Variants in DPF3 observed in about 807,000 individuals in gnomAD.
DPF3 encodes the protein zinc finger protein DPF3.
A neutral mutation model predicts 56.8 loss-of-function variants in DPF3; 18 were observed. The observed-to-expected ratio is 0.32, with a 90% CI of 0.22 to 0.47. The LOEUF (loss-of-function observed/expected upper bound fraction) is 0.47, where lower values mean the gene tolerates loss of function less well. DPF3 is among the 20% of genes least tolerant of loss of function. DPF3 has a pLI of 1.00. For synonymous variants in DPF3, 188 were observed against 180.2 expected, an observed-to-expected ratio of 1.04 and a Z score of -0.35; for missense variants, 403 against 488.8, an observed-to-expected ratio of 0.82 and a Z score of 1.65.
chr14:72,893,764 A>G (rs1348981399), intron 1 of DPF3, among the ~76,000 whole-genome samples: 7 of 152,088 alleles, frequency 4.6e-5, no homozygotes, highest in Admixed American at 4.6e-4. Context: ...CTCCTGCTGT[A>G]GAGCGCTCGA....
chr14:72,611,329 T>A lies in DPF3; in HGVS notation c.*7968A>T, dbSNP rs1414742894. Among the ~76,000 whole-genome samples the A allele has an allele frequency of 6.6e-6, 1 of 151,842 alleles. No homozygotes were observed. ...TGCTGTCAACACAAACAACTGAGAG[T>A]CTAAGCCAGCACGAAGCTAGGATCT... On this transcript the variant is annotated 3_prime_UTR_variant, in exon 11 of 11. Transcript: ENST00000556509.
Position 72,715,404 on chromosome 14 carries a change from C to T in DPF3, c.526-903G>A, listed in dbSNP as rs138375364. On this transcript the variant is annotated intron_variant, in intron 5 of 10. Coordinates refer to ENST00000556509, the MANE Select transcript of DPF3 (RefSeq NM_001280542.3). ...ACACTGGTCACGTGTATAGCACCCT[C>T]GCCTCTCCAGGTCATTCTTTGGTAA... Among the ~76,000 whole-genome samples the T allele has an allele frequency of 5.9e-5, 9 of 152,304 alleles. No homozygotes were observed. In the East Asian group the frequency reaches 7.7e-4, roughly 13 times the overall value.
intron 5 of DPF3, among the ~76,000 whole-genome samples, chr14:72,720,631 A>T (rs1420822712): frequency 6.6e-6 from 1 of 152,144 alleles, no homozygotes; most frequent in Non-Finnish European, 1.5e-5. Context: ...CTTTTCCATC[A>T]TTCAATCATT....
chr14:72,623,578 A>T (rs1884602377), intron 9 of DPF3, among the ~76,000 whole-genome samples: 1 of 152,212 alleles, frequency 6.6e-6, no homozygotes, highest in Non-Finnish European at 1.5e-5. Context: ...TCAAATGAGT[A>T]ATTATGTTGG....
intron 1 of DPF3, among the ~76,000 whole-genome samples, chr14:72,817,329 C>CA (rs1420197406): frequency 5.3e-5 from 8 of 152,192 alleles, no homozygotes; most frequent in African/African-American, 1.9e-4. Flanking sequence ...CCAGCTCTTA[C>CA]ATCAACCTAA....
chr14:72,854,484 G>GGA (rs1416779151), intron 1 of DPF3, among the ~76,000 whole-genome samples: 2 of 152,162 alleles, frequency 1.3e-5, no homozygotes, highest in African/African-American at 4.8e-5. Flanking sequence ...TAGAAACTCA[G>GGA]GAAATGGAGA....
rs1409329353 is a variant in DPF3, at chr14:72,610,019, C to A, written c.*9278G>T. On this transcript the variant is annotated 3_prime_UTR_variant, in exon 11 of 11. Coordinates refer to ENST00000556509, the MANE Select transcript of DPF3 (RefSeq NM_001280542.3). ...AGGCATTTCTCTCACTGGAGACCCA[C>A]TCTCTTGGTCATTCCTTTATGACTG... is the stretch of plus-strand genomic sequence containing the variant. Among the ~76,000 whole-genome samples, 1 of 152,226 alleles carries A rather than the reference C, an allele frequency of 6.6e-6. No individual in the cohort carries two copies. The highest frequency in any genetic ancestry group is 1.5e-5 in the Non-Finnish European group (1 of 68,036).
chr14:72,889,230 C>A (rs1406757232), intron 1 of DPF3, among the ~76,000 whole-genome samples: 1 of 152,202 alleles, frequency 6.6e-6, no homozygotes, highest in African/African-American at 2.4e-5. Context: ...GCAGACCAGG[C>A]TATTTTCAGA....
intron 5 of DPF3, among the ~76,000 whole-genome samples, chr14:72,721,861 TTCTAGA>T (rs1447574918): frequency 1.3e-5 from 2 of 152,076 alleles, no homozygotes; most frequent in African/African-American, 4.8e-5. Context: ...CTCCCACCAC[TTCTAGA>T]ATGTGAGAAG....
intron 8 of DPF3, chr14:72,661,643 C>T: frequency 1.0e-6 from 1 of 985,466 alleles, no homozygotes; most frequent in Non-Finnish European, 1.2e-6. Context: ...CCAGAAAGGG[C>T]CATGTTAGAA....
intron 1 of DPF3, among the ~76,000 whole-genome samples, chr14:72,889,977 T>C (rs1288152043): frequency 6.6e-6 from 1 of 152,208 alleles, no homozygotes; most frequent in Non-Finnish European, 1.5e-5. Context: ...TGTTGGTTCA[T>C]ATGGAATTTA....
intron 3 of DPF3, among the ~76,000 whole-genome samples, chr14:72,748,233 T>G (rs1295684483): frequency 6.6e-6 from 1 of 152,184 alleles, no homozygotes; most frequent in African/African-American, 2.4e-5. Flanking sequence ...AAAAATTTGT[T>G]GGGAACTAGA....
intron 1 of DPF3, chr14:72,836,319 A>G: frequency 1.0e-6 from 1 of 985,598 alleles, no homozygotes; most frequent in Non-Finnish European, 1.2e-6. Flanking sequence ...AACCCTGGAT[A>G]ATAAAGTGAC....
At chr14:72,680,900 T>C (rs1406226318) in intron 7 of DPF3, among the ~76,000 whole-genome samples, 1 of 152,218 alleles carries the variant, frequency 6.6e-6, no homozygotes, top group Non-Finnish European at 1.5e-5. Flanking sequence ...CTTTCAGGCC[T>C]ATTATTCAAG....
At chr14:72,727,107 C>A (rs1889437691) in intron 4 of DPF3, among the ~76,000 whole-genome samples, 1 of 152,294 alleles carries the variant, frequency 6.6e-6, no homozygotes, top group African/African-American at 2.4e-5. Context: ...ACCTGTCAAA[C>A]TCCTGGGCTC....
intron 1 of DPF3, among the ~76,000 whole-genome samples, chr14:72,821,488 G>A (rs1883539872): frequency 6.6e-6 from 1 of 151,764 alleles, no homozygotes; most frequent in South Asian, 2.1e-4. Context: ...TCTAGGATAA[G>A]CCACTAGGTT....
chr14:72,879,515 G>A (rs909147662), intron 1 of DPF3, among the ~76,000 whole-genome samples: 5 of 152,196 alleles, frequency 3.3e-5, no homozygotes, highest in Admixed American at 6.5e-5. Flanking sequence ...ATGGCCCAGG[G>A]CAGGTGTGGC....
chr14:72,843,568 G>A (rs878875717), intron 1 of DPF3, among the ~76,000 whole-genome samples: 2 of 152,116 alleles, frequency 1.3e-5, no homozygotes, highest in South Asian at 2.1e-4. Flanking sequence ...TTGAGATGGA[G>A]TTTCACTCTG....
intron 8 of DPF3, among the ~76,000 whole-genome samples, chr14:72,669,671 T>C (rs1205338949): frequency 2.0e-5 from 3 of 152,128 alleles, no homozygotes; most frequent in Admixed American, 6.5e-5. Flanking sequence ...TCTCTTGTAG[T>C]TGAAGCCAGA....
Sources: allele counts gnomAD v4.1 joint callset (sites outside exome capture counted in the v4.1 genomes callset), GRCh38; gene constraint gnomAD v4.1.1; transcripts MANE v1.5; gene names NCBI Gene and HGNC (gene_info 2026-07-23, HGNC 2026-07-21).